The following PIK3C3 variants were observed in gnomAD, a reference collection of about 807,000 sequenced individuals.
PIK3C3 encodes the protein phosphatidylinositol 3-kinase catalytic subunit type 3.
PIK3C3 carries 95 observed loss-of-function variants against 126.1 expected under a neutral mutation model. The observed-to-expected ratio is 0.75, with a 90% confidence interval of 0.64 to 0.89. The LOEUF (loss-of-function observed/expected upper bound fraction) is 0.89. Among genes scored for constraint, PIK3C3 ranks in the 40% least tolerant of loss-of-function variants. The pLI, the probability that PIK3C3 is intolerant of heterozygous loss-of-function variation, is 0.00. For missense variants in PIK3C3, 829 were observed against 1,063.2 expected (o/e 0.78, Z 3.06); for synonymous variants, 374 against 360.0 (o/e 1.04, Z -0.44).
At chr18:42,000,250 C>T (rs556116786) in intron 9 of PIK3C3, among the ~76,000 whole-genome samples, 1 of 152,126 alleles carries the variant, frequency 6.6e-6, no homozygotes, top group South Asian at 2.1e-4. Flanking sequence ...CAGGGTTTCA[C>T]CATGTTGGTC....
In PIK3C3 at chr18:42,040,761, T is replaced by C. The variant is rs768962720; in HGVS notation, c.2103+20T>C. ...ATTCAGGTATGGTATCAATAAAGATTATGCAATTCATGAATATATTCTTGT... is the reference window on the plus strand; with the variant it reads ...ATTCAGGTATGGTATCAATAAAGATCATGCAATTCATGAATATATTCTTGT... On this transcript the variant is annotated intron_variant, in intron 19 of 24. Transcript: ENST00000262039. The C allele has an allele frequency of 6.7e-7, 1 of 1,486,830 alleles. No homozygotes were observed. Among genetic ancestry groups the C allele is most frequent in the Non-Finnish European group, 9.3e-7 (1 of 1,069,734 alleles). The allele number at this position is 1,486,830 out of a possible 1,614,324, so 92.1% of individuals were successfully genotyped here.
chr18:41,970,424 C>T lies in PIK3C3; in HGVS notation c.499C>T (p.Leu167Phe), dbSNP rs150329451. ...TKTPGRTSST[L>F]SEDQMSRLAK... is the part of the protein sequence containing the mutation. ...AACTCCTGGCAGAACAAGTAGCACT[C>T]TCTCAGAAGATCAGATGAGCCGTCT... The change falls in exon 4 of 25, where the codon CTC (leucine) becomes TTC (phenylalanine). Residue 167 changes from leucine to phenylalanine, a missense_variant. Transcript: ENST00000262039. 3.1e-6 allele frequency: 5 copies of T among 1,613,780 alleles called. No homozygotes were observed. The African/African-American group carries it at 6.7e-5, about 22-fold the overall frequency.
chr18:41,974,998 G>A (rs1980844494), intron 4 of PIK3C3, among the ~76,000 whole-genome samples: 1 of 152,186 alleles, frequency 6.6e-6, no homozygotes, highest in Non-Finnish European at 1.5e-5. Flanking sequence ...GAGGCAAAGA[G>A]AAAGTAACAA....
At chr18:41,970,271 T>A in intron 3 of PIK3C3, 56 bp from the exon 4 acceptor site, 2 of 1,478,926 alleles carry the variant, frequency 1.4e-6, no homozygotes, top group Non-Finnish European at 9.4e-7. Flanking sequence ...ATCTAAAATT[T>A]CCTGTAATGA....
intron 1 of PIK3C3, among the ~76,000 whole-genome samples, chr18:41,957,300 G>C (rs551637020): frequency 6.6e-6 from 1 of 152,092 alleles, no homozygotes; most frequent in East Asian, 1.9e-4. Flanking sequence ...AAATTCAGAA[G>C]TATAAAATAG....
intron 14 of PIK3C3, among the ~76,000 whole-genome samples, chr18:42,028,286 A>G (rs762436840): frequency 2.0e-5 from 3 of 152,158 alleles, no homozygotes; most frequent in Non-Finnish European, 1.5e-5. Context: ...TATCAAGGCT[A>G]TGTACATTTC....
intron 18 of PIK3C3, among the ~76,000 whole-genome samples, chr18:42,039,673 C>T (rs1984216005): frequency 6.6e-6 from 1 of 152,160 alleles, no homozygotes; most frequent in Admixed American, 6.5e-5. Flanking sequence ...ATTTTATTAT[C>T]CTTGAAAACA....
rs1219706909 is a variant in PIK3C3 at position 42,082,565 on chromosome 18, C to CT, written c.*1434dup. 24 of 152,208 alleles carry CT rather than the reference C, an allele frequency of 1.6e-4. No individual in the cohort carries two copies. Among genetic ancestry groups the CT allele is most frequent in the African/African-American group, 5.5e-4 (23 of 41,542 alleles). The allele number at this position is 152,208 out of a possible 1,614,324, so 9.4% of individuals were successfully genotyped here. A position where few individuals can be genotyped will look rare whatever the true frequency, so the allele number is the denominator to read the frequency against. ...TTTTCTTTTCTTCACATGTTTATGTCTTTTTTGTTATTAGTCAGACATTTT... is the reference window on the plus strand; with the variant it reads ...TTTTCTTTTCTTCACATGTTTATGTCTTTTTTTGTTATTAGTCAGACATTTT... On this transcript the variant is annotated 3_prime_UTR_variant, in exon 25 of 25. Coordinates refer to ENST00000262039, the MANE Select transcript of PIK3C3 (RefSeq NM_002647.4).
At position 41,987,835 on chromosome 18, in the gene PIK3C3, A is replaced by G; in HGVS notation, c.555A>G (p.Gly185=). 1.9e-6 allele frequency: 3 copies of G among 1,608,428 alleles called. No individual in the cohort carries two copies. The highest frequency in any genetic ancestry group is 1.7e-4 in the Middle Eastern group (1 of 6,034). The change falls in exon 5 of 25, where the codon GGA becomes GGG. Residue 185 remains glycine (G), a synonymous_variant. Coordinates refer to ENST00000262039, the MANE Select transcript of PIK3C3 (RefSeq NM_002647.4). ...AGCTCACCAAAGCTCATCGACAAGG[A>G]CACATGGTGAAAGTAGATTGGCTGG... The part of the protein sequence containing the change: ...LAKLTKAHRQ[G]HMVKVDWLDR...
At chr18:41,976,368 A>C (rs200290966) in intron 4 of PIK3C3, among the ~76,000 whole-genome samples, 35,471 of 151,860 alleles carry the variant, frequency 0.23, 4,441 homozygotes, top group South Asian at 0.39. Context: ...GAAGACCAAA[A>C]AAAAAAAAAA....
intron 4 of PIK3C3, among the ~76,000 whole-genome samples, chr18:41,981,139 A>G (rs1981178811): frequency 6.6e-6 from 1 of 152,164 alleles, no homozygotes; most frequent in African/African-American, 2.4e-5. Context: ...TGTTATAACA[A>G]GCGTTTGGGA....
chr18:42,059,600 A>G (rs2144508385), intron 22 of PIK3C3, among the ~76,000 whole-genome samples: 1 of 152,334 alleles, frequency 6.6e-6, no homozygotes, highest in Middle Eastern at 3.4e-3. Context: ...TCAATAGAAT[A>G]AGAAAACAGG....
intron 21 of PIK3C3, among the ~76,000 whole-genome samples, chr18:42,054,140 A>ATCTATC (rs1555640048): frequency 6.0e-5 from 1 of 16,642 alleles, no homozygotes; most frequent in African/African-American, 4.4e-4. Context: ...ATATATATAT[A>ATCTATC]TATATATATA....
intron 6 of PIK3C3, among the ~76,000 whole-genome samples, chr18:41,992,658 T>C (rs1479532931): frequency 6.6e-6 from 1 of 152,156 alleles, no homozygotes. Context: ...ACCAACAAAA[T>C]AGGATGGCTT....
chr18:41,970,318 T>A lies in PIK3C3; in HGVS notation c.402-9T>A, dbSNP rs112733212. The A allele has an allele frequency of 6.2e-7, 1 of 1,612,348 alleles. No individual in the cohort carries two copies. The highest frequency in any genetic ancestry group is 8.5e-7 in the Non-Finnish European group (1 of 1,178,430). ...TTACTTCTACCCTGAACATTCTCTT[T>A]TTCCCTAGCATGTTTCGCCAAGGGA... is the stretch of plus-strand genomic sequence containing the variant. On this transcript the variant is annotated splice_polypyrimidine_tract_variant and intron_variant, in intron 3 of 24. Coordinates refer to ENST00000262039, the MANE Select transcript of PIK3C3 (RefSeq NM_002647.4).
chr18:42,075,626 A>C lies in PIK3C3; in HGVS notation c.2650-5497A>C, dbSNP rs79732839. Among the ~76,000 whole-genome samples, 412 of 151,680 alleles carry C rather than the reference A, an allele frequency of 2.7e-3. 7 individuals are homozygous for C. In the East Asian group the frequency reaches 0.043, roughly 16 times the overall value. On this transcript the variant is annotated intron_variant, in intron 24 of 24. Transcript: ENST00000262039. ...CTAAGGTTAATAGATGACAAAGCCC[A>C]GATTCAAACTCAAAATATTTTGAGT...
At position 42,029,644 on chromosome 18, in the gene PIK3C3, T is replaced by G. The variant is rs369405803; in HGVS notation, c.1707+203T>G. On this transcript the variant is annotated intron_variant, in intron 15 of 24. Coordinates refer to ENST00000262039, the MANE Select transcript of PIK3C3 (RefSeq NM_002647.4). ...TGCAACCCCCACTTCCTGGGTTCAATCAATTCTCATGCCCCAGCCTCCCGA... is the reference window on the plus strand; with the variant it reads ...TGCAACCCCCACTTCCTGGGTTCAAGCAATTCTCATGCCCCAGCCTCCCGA... Among the ~76,000 whole-genome samples, 329 of 142,372 alleles carry G rather than the reference T, an allele frequency of 2.3e-3. 1 individual carries two copies. The highest frequency in any genetic ancestry group is 7.8e-3 in the African/African-American group (303 of 38,632). 93.4% of individuals were successfully genotyped at this position (142,372 alleles called of 152,430 possible).
In PIK3C3 at chr18:42,067,497, T is replaced by G; in HGVS notation, c.2633T>G (p.Ile878Ser). 1 of 1,614,128 alleles carries G rather than the reference T, an allele frequency of 6.2e-7. No homozygotes were observed. The highest frequency in any genetic ancestry group is 8.5e-7 in the Non-Finnish European group (1 of 1,179,986). ...HALFAAVVEQ[I>S]HKFAQYWRK ...CTTTTTGCTGCAGTGGTGGAACAGA[T>G]TCACAAGTTTGCCCAGGTAAGTTCC... The change falls in exon 24 of 25, where the codon ATT becomes AGT. Residue 878 changes from isoleucine to serine, a missense_variant. This residue lies in a region of PIK3C3 where 196 missense variants were observed against 312.8 expected (regional missense o/e 0.63). Coordinates refer to ENST00000262039, the MANE Select transcript of PIK3C3 (RefSeq NM_002647.4).
chr18:41,977,535 G>A (rs1005802389), intron 4 of PIK3C3, among the ~76,000 whole-genome samples: 5 of 151,250 alleles, frequency 3.3e-5, no homozygotes, highest in African/African-American at 4.9e-5. Flanking sequence ...TCACTCTGTC[G>A]TCCAGACTGG....
Sources: allele counts gnomAD v4.1 joint callset (sites outside exome capture counted in the v4.1 genomes callset), GRCh38; gene constraint gnomAD v4.1.1; regional missense constraint gnomAD v4.1.1; transcripts MANE v1.5; gene names NCBI Gene and HGNC (gene_info 2026-07-23, HGNC 2026-07-21).